NXNL2: variants seen among roughly 807,000 people sequenced by gnomAD.
NXNL2 encodes the protein nucleoredoxin-like protein 2.
A neutral mutation model predicts 11.1 loss-of-function variants in NXNL2; 7 were observed. The observed-to-expected ratio is 0.63, with a 90% confidence interval of 0.36 to 1.18. The LOEUF (loss-of-function observed/expected upper bound fraction) is 1.18. Among genes scored for constraint, NXNL2 ranks in the 50% most tolerant of loss-of-function variants. NXNL2 has a pLI of 0.02. For synonymous variants in NXNL2, 109 were observed against 101.8 expected, an observed-to-expected ratio of 1.07 and a Z score of -0.42; for missense variants, 233 against 217.7, an observed-to-expected ratio of 1.07 and a Z score of -0.44.
At chr9:88,542,227 C>T (rs1829776283) in intron 1 of NXNL2, among the ~76,000 whole-genome samples, 1 of 151,076 alleles carries the variant, frequency 6.6e-6, no homozygotes, top group African/African-American at 2.4e-5. Flanking sequence ...AGCAAGACTC[C>T]ATCTCAAAAA....
chr9:88,542,160 G>C (rs13285449), intron 1 of NXNL2, among the ~76,000 whole-genome samples: 1 of 152,002 alleles, frequency 6.6e-6, no homozygotes, highest in East Asian at 2.0e-4. Context: ...ATGAACCCAG[G>C]AGGCGGAGCT....
chr9:88,542,164 C>T (rs1026781082), intron 1 of NXNL2, among the ~76,000 whole-genome samples: 2 of 151,480 alleles, frequency 1.3e-5, no homozygotes, highest in South Asian at 4.2e-4. Flanking sequence ...ACCCAGGAGG[C>T]GGAGCTTGCA....
At chr9:88,561,520 C>T (rs1364784193) in intron 1 of NXNL2, among the ~76,000 whole-genome samples, 1 of 152,100 alleles carries the variant, frequency 6.6e-6, no homozygotes, top group Non-Finnish European at 1.5e-5. Flanking sequence ...TTAGTTCTGT[C>T]CCTCTAGGAG....
In NXNL2 at chr9:88,544,412, C is replaced by A; in HGVS notation, c.336C>A (p.Ile112=). The change falls in exon 2 of 2, where the codon ATC becomes ATA. Residue 112 remains isoleucine, a synonymous_variant. Transcript: ENST00000375854. ...GGAAGAGGTACAACGTCACAGCCAT[C>A]CCCAAGCTTGTGATTGTGAAACAAA... is the stretch of plus-strand genomic sequence containing the variant. ...ELRKRYNVTA[I]PKLVIVKQNG... 1 of 1,551,932 alleles carries A rather than the reference C, an allele frequency of 6.4e-7. No homozygotes were observed. The highest frequency in any genetic ancestry group is 8.7e-7 in the Non-Finnish European group (1 of 1,147,044).
intron 1 of NXNL2, among the ~76,000 whole-genome samples, chr9:88,559,375 G>A (rs529441471): frequency 1.3e-5 from 2 of 152,304 alleles, no homozygotes; most frequent in East Asian, 3.9e-4. Flanking sequence ...ACAGCCCAGA[G>A]AGGAGGCTGC....
chr9:88,573,678 G>T (rs552479626), intron 2 of NXNL2, among the ~76,000 whole-genome samples: 2 of 152,182 alleles, frequency 1.3e-5, no homozygotes, highest in African/African-American at 4.8e-5. Context: ...AATGGGGCAC[G>T]GTTTTTAGTG....
chr9:88,555,650 GA>G (rs1256168930), intron 1 of NXNL2, among the ~76,000 whole-genome samples: 1 of 152,052 alleles, frequency 6.6e-6, no homozygotes, highest in African/African-American at 2.4e-5. Flanking sequence ...TTCCTGAAAG[GA>G]AAAAAGCCCT....
downstream of NXNL2, among the ~76,000 whole-genome samples, chr9:88,584,484 A>G (rs1343054633): frequency 3.3e-5 from 5 of 152,224 alleles, no homozygotes; most frequent in African/African-American, 9.6e-5. Flanking sequence ...CAGAACAGTG[A>G]GAAATAAATG....
At chr9:88,542,725 T>C (rs1488098954) in intron 1 of NXNL2, among the ~76,000 whole-genome samples, 1 of 152,240 alleles carries the variant, frequency 6.6e-6, no homozygotes, top group Non-Finnish European at 1.5e-5. Context: ...CACTGCTTCA[T>C]AGATGTTTGG....
chr9:88,549,094 C>G (rs1829891151), downstream of NXNL2, among the ~76,000 whole-genome samples: 1 of 152,172 alleles, frequency 6.6e-6, no homozygotes, highest in Non-Finnish European at 1.5e-5. Flanking sequence ...GTGATAGCAG[C>G]CTGAACAGAC....
chr9:88,540,218 G>A (rs1412230183), intron 1 of NXNL2, among the ~76,000 whole-genome samples: 2 of 151,824 alleles, frequency 1.3e-5, no homozygotes, highest in Admixed American at 6.6e-5. Context: ...TGTGGTCCCC[G>A]CTACTCTGGA....
downstream of NXNL2, among the ~76,000 whole-genome samples, chr9:88,579,143 C>T (rs1830381147): frequency 6.6e-6 from 1 of 152,212 alleles, no homozygotes; most frequent in Non-Finnish European, 1.5e-5. Flanking sequence ...CTGCCCTTTC[C>T]TCCTGTCTTC....
intron 1 of NXNL2, among the ~76,000 whole-genome samples, chr9:88,536,392 A>G (rs1829619173): frequency 2.0e-5 from 3 of 151,970 alleles, no homozygotes; most frequent in South Asian, 4.2e-4. Context: ...AAACTTTATT[A>G]CTCTAACTGT....
At chr9:88,561,264 C>G (rs1001604873) in intron 1 of NXNL2, among the ~76,000 whole-genome samples, 1 of 152,158 alleles carries the variant, frequency 6.6e-6, no homozygotes, top group Non-Finnish European at 1.5e-5. Context: ...TGGATTCTTC[C>G]TGCCCTCAAA....
intron 1 of NXNL2, among the ~76,000 whole-genome samples, chr9:88,568,309 G>T (rs1009202393): frequency 6.6e-6 from 1 of 152,166 alleles, no homozygotes; most frequent in Admixed American, 6.5e-5. Context: ...GGCACAGGGG[G>T]ATCCACACTG....
downstream of NXNL2, among the ~76,000 whole-genome samples, chr9:88,576,053 G>A (rs560311669): frequency 1.3e-5 from 2 of 152,168 alleles, no homozygotes; most frequent in African/African-American, 2.4e-5. Context: ...AGATTAGTTG[G>A]GTGTGGTGGT....
chr9:88,537,046 G>T (rs1829637279), intron 1 of NXNL2, among the ~76,000 whole-genome samples: 1 of 152,262 alleles, frequency 6.6e-6, no homozygotes, highest in Middle Eastern at 3.4e-3. Flanking sequence ...TAGTAATTAG[G>T]CACAAAGCTC....
chr9:88,581,888 T>C (rs1830412147), intron 1 of NXNL2, among the ~76,000 whole-genome samples: 1 of 152,242 alleles, frequency 6.6e-6, no homozygotes, highest in South Asian at 2.1e-4. Context: ...GAGAAGGTTC[T>C]GTTTTTCAAG....
At chr9:88,574,783 T>C (rs1830324346) in intron 2 of NXNL2, among the ~76,000 whole-genome samples, 1 of 152,146 alleles carries the variant, frequency 6.6e-6, no homozygotes, top group Non-Finnish European at 1.5e-5. Context: ...AGAGGAATGT[T>C]TTCCAGACTC....
Sources: allele counts gnomAD v4.1 joint callset (sites outside exome capture counted in the v4.1 genomes callset), GRCh38; gene constraint gnomAD v4.1.1; transcripts MANE v1.5; gene names NCBI Gene and HGNC (gene_info 2026-07-23, HGNC 2026-07-21).